The following SYNE3 variants were observed in gnomAD, a reference collection of about 807,000 sequenced individuals.
The protein encoded by SYNE3 is spectrin repeat containing nuclear envelope family member 3.
Under a neutral mutation model 111.2 loss-of-function variants are expected in SYNE3, and 100 were observed. The observed-to-expected ratio is 0.90, with a 90% CI of 0.77 to 1.06. SYNE3 has a LOEUF of 1.06. Among genes scored for constraint, SYNE3 ranks in the 50% least tolerant of loss-of-function variants. The probability of loss-of-function intolerance (pLI) is 0.00; values close to 1 mark genes in which losing one functional copy is unlikely to be tolerated. For missense variants in SYNE3, 1,160 were observed against 1,240.3 expected, an observed-to-expected ratio of 0.94 and a Z score of 0.97; for synonymous variants, 547 against 533.9, an observed-to-expected ratio of 1.02 and a Z score of -0.34.
chr14:95,464,649 A>T (rs7158522), intron 4 of SYNE3, among the ~76,000 whole-genome samples: 52,484 of 152,030 alleles, frequency 0.35, 9,626 homozygotes, highest in Non-Finnish European at 0.41. Context: ...CACTGACATG[A>T]AAATAGGAGT....
intron 17 of SYNE3, among the ~76,000 whole-genome samples, chr14:95,418,437 G>A (rs947238689): frequency 4.6e-5 from 7 of 152,136 alleles, no homozygotes; most frequent in Admixed American, 3.9e-4. Flanking sequence ...CTGGCACATA[G>A]TAAGTATGTA....
At chr14:95,420,036 C>T (rs1162030579) in intron 17 of SYNE3, among the ~76,000 whole-genome samples, 2 of 140,322 alleles carry the variant, frequency 1.4e-5, no homozygotes, top group Non-Finnish European at 3.1e-5. Flanking sequence ...TTCCCCTGCT[C>T]CAAGTATCCC....
intron 1 of SYNE3, among the ~76,000 whole-genome samples, chr14:95,513,190 G>A (rs771176581): frequency 6.6e-6 from 1 of 152,078 alleles, no homozygotes; most frequent in Non-Finnish European, 1.5e-5. Context: ...TCCTCAGCAC[G>A]CGTGGTAATG....
Position 95,455,531 on chromosome 14 carries a change from C to G in SYNE3, c.983G>C (p.Arg328Pro), listed in dbSNP as rs746062749. 1 of 1,613,896 alleles carries G rather than the reference C, an allele frequency of 6.2e-7. No individual in the cohort carries two copies. The highest frequency in any genetic ancestry group is 8.5e-7 in the Non-Finnish European group (1 of 1,179,976). ...CTGCTGCTCCCAGGCTCCCCTGGAC[C>G]GGAGCAGGCCCCGCAGCCGCTCCTC... The part of the protein sequence containing the change: ...EEEERLRGLL[R>P]SRGAWEQQIK... The change falls in exon 6 of 18, where the codon CGG (arginine) becomes CCG (proline). Residue 328 changes from arginine to proline, a missense_variant. Transcript: ENST00000682763.
Position 95,457,330 on chromosome 14 carries a change from T to C in SYNE3, c.636A>G (p.Val212=). 6.2e-7 allele frequency: 1 copy of C among 1,613,630 alleles called. No individual in the cohort carries two copies. Among genetic ancestry groups the C allele is most frequent in the Non-Finnish European group, 8.5e-7 (1 of 1,179,742 alleles). Reference sequence around the variant, plus strand: ...CCCGGGCCACCTGCTCCAGCAGATCTACACGCTTCTGTGGGAGGAGGAGAA... The same window carrying C: ...CCCGGGCCACCTGCTCCAGCAGATCCACACGCTTCTGTGGGAGGAGGAGAA... ...DAVKAKAQKR[V]DLLEQVAREH... Residue 212 remains valine, a synonymous_variant, in exon 5 of 18, where the codon GTA becomes GTG. Coordinates refer to ENST00000682763, the MANE Select transcript of SYNE3 (RefSeq NM_152592.6).
chr14:95,511,916 G>A (rs75258618), intron 1 of SYNE3, among the ~76,000 whole-genome samples: 172 of 132,402 alleles, frequency 1.3e-3, no homozygotes, highest in African/African-American at 7.0e-3. Context: ...TATTCCCTAC[G>A]TGTGTGACCT....
At chr14:95,472,704 G>C (rs1003807693) in intron 2 of SYNE3, among the ~76,000 whole-genome samples, 1 of 152,178 alleles carries the variant, frequency 6.6e-6, no homozygotes. Context: ...TTTGGAGCCC[G>C]GGCCTGCAGA....
At position 95,439,965 on chromosome 14, in the gene SYNE3, G is replaced by T. The variant is rs1333294721; in HGVS notation, c.2022C>A (p.His674Gln). Residue 674 changes from histidine (H) to glutamine (Q), a missense_variant, in exon 12 of 18, where the codon CAC becomes CAA. By Grantham distance (24) the His-to-Gln change is conservative (BLOSUM62 0). Transcript: ENST00000682763. ...CATCCCCCGGGCCCGCCTCTCCCCG[G>T]TGTGCCTCCAGCTTTTGCGTGGTCA... ...IVVTTQKLEAHRGEAGPGDAE... is the reference protein window; with the variant it reads ...IVVTTQKLEAQRGEAGPGDAE... 6.2e-7 allele frequency: 1 copy of T among 1,613,934 alleles called. No homozygotes were observed. The highest frequency in any genetic ancestry group is 2.2e-5 in the East Asian group (1 of 44,900).
intron 1 of SYNE3, among the ~76,000 whole-genome samples, chr14:95,482,419 G>A (rs149886995): frequency 3.4e-4 from 52 of 152,280 alleles, no homozygotes; most frequent in African/African-American, 1.1e-3. Context: ...GGGTGACAGC[G>A]AGACACCATC....
chr14:95,455,978 G>C, intron 5 of SYNE3: 1 of 494,820 alleles, frequency 2.0e-6, no homozygotes, highest in Non-Finnish European at 3.6e-6. Context: ...TCTCTGTTGG[G>C]TGCTTCTGTC....
intron 14 of SYNE3, chr14:95,438,599 T>C: frequency 5.9e-6 from 1 of 170,506 alleles, no homozygotes. Context: ...AAGGAATAAC[T>C]TTCTTTTCCA....
intron 1 of SYNE3, among the ~76,000 whole-genome samples, chr14:95,486,229 C>T (rs566490304): frequency 6.6e-6 from 1 of 152,132 alleles, no homozygotes; most frequent in Non-Finnish European, 1.5e-5. Flanking sequence ...CCCATCACCC[C>T]CAAGAAGATC....
chr14:95,516,168 C>T (rs1699743246), intron 1 of SYNE3: 1 of 152,328 alleles, frequency 6.6e-6, no homozygotes, highest in Admixed American at 6.5e-5. Flanking sequence ...TGAGCGCGCT[C>T]GCGGTCGCCA....
At chr14:95,446,175 G>T in intron 8 of SYNE3, 84 bp from the exon 9 acceptor site, 2 of 1,502,172 alleles carry the variant, frequency 1.3e-6, no homozygotes, top group Middle Eastern at 1.9e-4. Context: ...TGTTCTGGCT[G>T]CAACTGCTTA....
intron 2 of SYNE3, among the ~76,000 whole-genome samples, chr14:95,474,937 G>A (rs567912629): frequency 6.6e-6 from 1 of 152,358 alleles, no homozygotes; most frequent in Non-Finnish European, 1.5e-5. Flanking sequence ...CAGAGGTGTG[G>A]AAGTCAACTG....
chr14:95,488,697 GGAGGAGAGGA>G lies in SYNE3; in HGVS notation c.-14-12872_-14-12863del, dbSNP rs773406803. On this transcript the variant is annotated intron_variant, in intron 1 of 17. Coordinates refer to ENST00000682763, the MANE Select transcript of SYNE3 (RefSeq NM_152592.6). ...GGTGGGGTGGGGAGGGAAGGGGAAG[GGAGGAGAGGA>G]GAGGAGAGGAGAGGAGAGGAGAGGA... Among the ~76,000 whole-genome samples, 73 of 38,260 alleles carry G rather than the reference GGAGGAGAGGA, an allele frequency of 1.9e-3. 1 individual carries two copies. The highest frequency in any genetic ancestry group is 3.9e-3 in the African/African-American group (38 of 9,764). 25.1% of individuals were successfully genotyped at this position (38,260 alleles called of 152,430 possible).
rs779244259 is a variant in SYNE3 at position 95,409,155 on chromosome 14, G to A, written c.*8671C>T. ...GGCCCAGGGAACATTCCATAGAGTG[G>A]AGCACTGGGCTCGGAGCCAGTCATG... On this transcript the variant is annotated 3_prime_UTR_variant, in exon 18 of 18. Transcript: ENST00000682763. The A allele has an allele frequency of 2.4e-5, 11 of 456,632 alleles. No individual in the cohort carries two copies. Among genetic ancestry groups the A allele is most frequent in the South Asian group, 1.5e-4 (10 of 64,572 alleles). 28.3% of individuals were successfully genotyped at this position (456,632 alleles called of 1,614,324 possible).
At position 95,418,012 on chromosome 14, in the gene SYNE3, T is replaced by C. The variant is rs200981167; in HGVS notation, c.2742A>G (p.Arg914=). The part of the protein sequence containing the change: ...PTGFQKTRRW[R]GLGSLFRRAC... The stretch of plus-strand genomic sequence containing the variant: ...CCCTCCGGAAGAGGGAGCCCAGTCC[T>C]CGCCACCGCCGAGTCTGCGGAACCA... Residue 914 remains arginine, a synonymous_variant, in exon 18 of 18, where the codon CGA becomes CGG. Coordinates refer to ENST00000682763, the MANE Select transcript of SYNE3 (RefSeq NM_152592.6). 9.3e-6 allele frequency: 15 copies of C among 1,610,318 alleles called. No homozygotes were observed. The East Asian group carries it at 3.1e-4, about 33-fold the overall frequency.
intron 1 of SYNE3, among the ~76,000 whole-genome samples, chr14:95,490,966 T>C (rs771212697): frequency 6.6e-6 from 1 of 152,242 alleles, no homozygotes; most frequent in Non-Finnish European, 1.5e-5. Context: ...ATCCCCTCTG[T>C]ATCCTCAGGC....
Sources: allele counts gnomAD v4.1 joint callset (sites outside exome capture counted in the v4.1 genomes callset), GRCh38; gene constraint gnomAD v4.1.1; transcripts MANE v1.5; gene names NCBI Gene and HGNC (gene_info 2026-07-23, HGNC 2026-07-21).